CELF2: variants seen among roughly 807,000 people sequenced by gnomAD.
CELF2 encodes the protein CUG triplet repeat RNA-binding protein 2.
Under a neutral mutation model 62.6 loss-of-function variants are expected in CELF2, and 8 were observed. The observed-to-expected ratio is 0.13, with a 90% CI of 0.07 to 0.23. The LOEUF (loss-of-function observed/expected upper bound fraction) is 0.23, where lower values mean the gene tolerates loss of function less well. Ranked by LOEUF, CELF2 falls within the 10% of genes least tolerant of loss-of-function variation. CELF2 has a pLI of 1.00. For missense variants in CELF2, 333 were observed against 671.0 expected (o/e 0.50, Z 5.56); for synonymous variants, 258 against 250.0 (o/e 1.03, Z -0.30).
intron 1 of CELF2, among the ~76,000 whole-genome samples, chr10:10,869,337 G>A (rs11256883): frequency 0.13 from 19,656 of 152,164 alleles, 1,630 homozygotes; most frequent in Non-Finnish European, 0.19. Context: ...GCCAAGGCGG[G>A]CAGATCACAA....
intron 1 of CELF2, among the ~76,000 whole-genome samples, chr10:11,153,552 A>G (rs951535739): frequency 2.0e-5 from 3 of 151,918 alleles, no homozygotes; most frequent in Non-Finnish European, 4.4e-5. Context: ...TGTAGGAGTA[A>G]CTCTCTTGTG....
At chr10:10,563,060 G>A in the CELF2 span, among the ~76,000 whole-genome samples, 3 of 152,224 alleles carry the variant, frequency 2.0e-5, no homozygotes, top group South Asian at 2.1e-4. Context: ...CCATGTAAAT[G>A]TTCAGGAAGT....
At chr10:11,127,372 A>G (rs945844773) in intron 1 of CELF2, among the ~76,000 whole-genome samples, 1 of 152,210 alleles carries the variant, frequency 6.6e-6, no homozygotes, top group Non-Finnish European at 1.5e-5. Flanking sequence ...ATGTGTCTTC[A>G]TACTAGCATG....
the CELF2 span, among the ~76,000 whole-genome samples, chr10:10,787,456 A>G: frequency 6.6e-6 from 1 of 152,250 alleles, no homozygotes; most frequent in Non-Finnish European, 1.5e-5. Context: ...GTTAAAAGTG[A>G]ACTCAAGCTT....
At chr10:11,057,886 C>G (rs1336304628) in intron 1 of CELF2, among the ~76,000 whole-genome samples, 1 of 152,114 alleles carries the variant, frequency 6.6e-6, no homozygotes, top group African/African-American at 2.4e-5. Flanking sequence ...CCACAAAGAA[C>G]AATTATATTT....
intron 1 of CELF2, among the ~76,000 whole-genome samples, chr10:11,036,912 T>C (rs180762833): frequency 1.2e-3 from 186 of 152,348 alleles, no homozygotes; most frequent in African/African-American, 4.3e-3. Flanking sequence ...ATGCTTTTTC[T>C]GATTATCCTT....
At chr10:11,058,217 G>T (rs546742542) in intron 1 of CELF2, among the ~76,000 whole-genome samples, 1 of 152,100 alleles carries the variant, frequency 6.6e-6, no homozygotes, top group African/African-American at 2.4e-5. Context: ...TCAGCCATGC[G>T]GTAACATTGT....
At chr10:11,073,172 G>A (rs184486402) in intron 1 of CELF2, among the ~76,000 whole-genome samples, 59 of 152,314 alleles carry the variant, frequency 3.9e-4, no homozygotes, top group Non-Finnish European at 2.2e-4. Context: ...AGAGCAGAGT[G>A]TAACACTGGC....
intron 1 of CELF2, among the ~76,000 whole-genome samples, chr10:10,866,127 G>A (rs1470663839): frequency 6.6e-6 from 1 of 152,090 alleles, no homozygotes; most frequent in Non-Finnish European, 1.5e-5. Context: ...ACCAAGAAGC[G>A]AGGTCAAAGT....
At position 11,314,375 on chromosome 10, in the gene CELF2, C is replaced by A. The variant is rs1028635806; in HGVS notation, c.1096+117C>A. 2.2e-6 allele frequency: 3 copies of A among 1,394,150 alleles called. No individual in the cohort carries two copies. The highest frequency in any genetic ancestry group is 3.0e-6 in the Non-Finnish European group (3 of 988,454). 86.4% of individuals were successfully genotyped at this position (1,394,150 alleles called of 1,614,324 possible). A position where few individuals can be genotyped will look rare whatever the true frequency, so the allele number is the denominator to read the frequency against. Reference sequence around the variant, plus strand: ...GGATATGCCACGGGGAGAACTAAAACTTGGGATGGAGGAGCACATGCTTTG... The same window carrying A: ...GGATATGCCACGGGGAGAACTAAAAATTGGGATGGAGGAGCACATGCTTTG... On this transcript the variant is annotated intron_variant, in intron 10 of 12. Transcript: ENST00000633077. This position sits in a 1 kb window ranked among gnomAD's most constrained non-coding sequence, Gnocchi z 5.3.
intron 1 of CELF2, among the ~76,000 whole-genome samples, chr10:10,810,443 T>C (rs567830424): frequency 6.6e-6 from 1 of 152,332 alleles, no homozygotes; most frequent in African/African-American, 2.4e-5. Context: ...AGTTTTTCTT[T>C]GCAGCCTCAG....
In CELF2 at chr10:10,928,876, G is replaced by C. The variant is rs2065799393; in HGVS notation, c.89+8877G>C. On this transcript the variant is annotated intron_variant, in intron 2 of 13. Coordinates refer to the CELF2 transcript ENST00000636488. The surrounding 1 kb of genome is among the most constrained non-coding windows in gnomAD (Gnocchi z 4.8). ...TGTCCCCAGTGCCTAGCAGTGCCTG[G>C]AACATAGTAGGCACGAATAAATATT... 6.6e-6 allele frequency among the ~76,000 whole-genome samples: 1 copy of C among 152,170 alleles called. No individual in the cohort carries two copies. The highest frequency in any genetic ancestry group is 1.5e-5 in the Non-Finnish European group (1 of 68,032).
intron 2 of CELF2, among the ~76,000 whole-genome samples, chr10:10,984,352 A>G (rs2052495888): frequency 1.3e-5 from 2 of 152,188 alleles, no homozygotes; most frequent in African/African-American, 4.8e-5. Context: ...TAGAACAATT[A>G]AGACTCTGAA....
chr10:10,650,921 G>A, the CELF2 span, among the ~76,000 whole-genome samples: 30 of 152,178 alleles, frequency 2.0e-4, no homozygotes, highest in South Asian at 3.3e-3. Flanking sequence ...CGTGAGCGAC[G>A]CAGAAGACCG....
the CELF2 span, among the ~76,000 whole-genome samples, chr10:10,707,327 C>T: frequency 2.6e-5 from 4 of 152,082 alleles, no homozygotes; most frequent in Non-Finnish European, 5.9e-5. Context: ...ATCCTGGATA[C>T]CTGATGCTCT....
chr10:10,651,415 G>A, the CELF2 span, among the ~76,000 whole-genome samples: 2 of 143,902 alleles, frequency 1.4e-5, no homozygotes, highest in African/African-American at 2.6e-5. Context: ...ACCTCTGGGG[G>A]CAGGGCACAG....
At chr10:11,083,110 T>C (rs1340817270) in intron 1 of CELF2, among the ~76,000 whole-genome samples, 1 of 152,238 alleles carries the variant, frequency 6.6e-6, no homozygotes, top group African/African-American at 2.4e-5. Flanking sequence ...TCGGTTGTGA[T>C]TGTTATCTTA....
At position 11,279,792 on chromosome 10, in the gene CELF2, G is replaced by T. The variant is rs568310137; in HGVS notation, c.841+4672G>T. ...AGTAGGCATATTGCGCATCTGTTTG[G>T]TACATAATTTCTTCGTTTTGAGAAG... On this transcript the variant is annotated intron_variant, in intron 8 of 12. Transcript: ENST00000633077. Among the ~76,000 whole-genome samples the T allele has an allele frequency of 5.9e-5, 9 of 152,084 alleles. No homozygotes were observed. The South Asian group carries it at 1.7e-3, about 28-fold the overall frequency.
chr10:10,649,339 G>T, the CELF2 span, among the ~76,000 whole-genome samples: 1 of 152,158 alleles, frequency 6.6e-6, no homozygotes, highest in African/African-American at 2.4e-5. Context: ...TAGATAGCGG[G>T]CTGGGTTTTC....
Sources: allele counts gnomAD v4.1 joint callset (sites outside exome capture counted in the v4.1 genomes callset), GRCh38; gene constraint gnomAD v4.1.1; non-coding constraint Gnocchi (gnomAD v3.1); transcripts MANE v1.5; gene names NCBI Gene and HGNC (gene_info 2026-07-23, HGNC 2026-07-21).